RARB: variants seen among roughly 807,000 people sequenced by gnomAD.
RARB encodes the protein retinoic acid receptor beta.
In RARB, 17 loss-of-function variants were observed where a neutral mutation model predicts 51.9. The observed-to-expected ratio is 0.33, with a 90% CI of 0.22 to 0.49. RARB has a LOEUF of 0.49. Ranked by LOEUF, RARB falls within the 20% of genes least tolerant of loss-of-function variation. The probability of loss-of-function intolerance (pLI) is 0.99; values close to 1 mark genes in which losing one functional copy is unlikely to be tolerated. For synonymous variants in RARB, 215 were observed against 195.4 expected (o/e 1.10, Z -0.84); for missense variants, 369 against 550.8 (o/e 0.67, Z 3.30).
At chr3:25,593,409 C>A in intron 5 of RARB, 94 bp from the exon 6 acceptor site, 1 of 1,217,346 alleles carries the variant, frequency 8.2e-7, no homozygotes, top group Non-Finnish European at 1.2e-6. Context: ...CCAAGAGCTC[C>A]TTGGAAATCT....
intron 5 of RARB, among the ~76,000 whole-genome samples, chr3:25,271,354 G>A (rs1339130827): frequency 6.6e-6 from 1 of 152,100 alleles, no homozygotes; most frequent in African/African-American, 2.4e-5. Context: ...TGCCATATAG[G>A]ATAAGCATAC....
At chr3:25,306,391 G>T (rs570194668) in intron 5 of RARB, among the ~76,000 whole-genome samples, 2 of 151,988 alleles carry the variant, frequency 1.3e-5, no homozygotes, top group Non-Finnish European at 1.5e-5. Context: ...TTTCAAAAGG[G>T]CCTTGAATGA....
chr3:25,210,148 A>G (rs571690986), intron 5 of RARB, among the ~76,000 whole-genome samples: 11 of 152,306 alleles, frequency 7.2e-5, no homozygotes, highest in African/African-American at 2.6e-4. Context: ...TAATAGAAGT[A>G]GATACTAGCT....
intron 3 of RARB, among the ~76,000 whole-genome samples, chr3:25,096,376 TG>T (rs1355945097): frequency 3.3e-5 from 5 of 152,094 alleles, no homozygotes; most frequent in Admixed American, 6.6e-5. Context: ...CAGATACCAT[TG>T]GAGAAATTGT....
intron 5 of RARB, among the ~76,000 whole-genome samples, chr3:25,333,196 CA>C (rs1704957584): frequency 6.6e-6 from 1 of 151,818 alleles, no homozygotes; most frequent in South Asian, 2.1e-4. Flanking sequence ...CATATGGAAC[CA>C]AAAAAGAGCC....
intron 3 of RARB, among the ~76,000 whole-genome samples, chr3:25,537,746 C>T (rs2125651113): frequency 6.6e-6 from 1 of 152,318 alleles, no homozygotes; most frequent in African/African-American, 2.4e-5. Flanking sequence ...TCCCTCAGTT[C>T]ATAAAGCTGA....
chr3:25,336,592 G>C (rs1359852934), intron 5 of RARB, among the ~76,000 whole-genome samples: 1 of 152,094 alleles, frequency 6.6e-6, no homozygotes, highest in Admixed American at 6.6e-5. Context: ...TTCAGCTTTG[G>C]AGCGGGATAA....
intron 2 of RARB, among the ~76,000 whole-genome samples, chr3:25,031,220 G>A (rs537663762): frequency 6.6e-6 from 1 of 152,106 alleles, no homozygotes; most frequent in African/African-American, 2.4e-5. Context: ...TGGGACAAAA[G>A]TGCTTCCCCT....
At chr3:25,155,883 A>C (rs561743759) in intron 4 of RARB, among the ~76,000 whole-genome samples, 2 of 152,166 alleles carry the variant, frequency 1.3e-5, no homozygotes, top group Non-Finnish European at 2.9e-5. Flanking sequence ...GCCTTTTTAC[A>C]TGATAGCTTC....
intron 5 of RARB, among the ~76,000 whole-genome samples, chr3:25,276,483 A>G (rs1703385629): frequency 6.6e-6 from 1 of 152,234 alleles, no homozygotes; most frequent in African/African-American, 2.4e-5. Context: ...AACATAGGAA[A>G]CCAAAATGAA....
intron 4 of RARB, among the ~76,000 whole-genome samples, chr3:25,573,744 C>A (rs1442060693): frequency 6.6e-6 from 1 of 152,220 alleles, no homozygotes; most frequent in Non-Finnish European, 1.5e-5. Context: ...TTCCTGTCAT[C>A]TTCACCAGAG....
intron 4 of RARB, among the ~76,000 whole-genome samples, chr3:25,144,478 G>A (rs1700156647): frequency 6.6e-6 from 1 of 152,114 alleles, no homozygotes; most frequent in Non-Finnish European, 1.5e-5. Context: ...AGAGACCCGT[G>A]TTCTCTAGTT....
At chr3:24,991,700 T>C (rs1696915720) in intron 2 of RARB, among the ~76,000 whole-genome samples, 1 of 151,906 alleles carries the variant, frequency 6.6e-6, no homozygotes, top group Non-Finnish European at 1.5e-5. Context: ...TAAAAATGCA[T>C]ATAAGTAGCA....
At chr3:25,243,705 G>A (rs1702486073) in intron 5 of RARB, among the ~76,000 whole-genome samples, 2 of 152,240 alleles carry the variant, frequency 1.3e-5, no homozygotes, top group South Asian at 4.1e-4. Flanking sequence ...TCTAGAATCG[G>A]TTTGCCAGTA....
chr3:25,007,605 C>CAACAAAAAA (rs1559431424), intron 2 of RARB, among the ~76,000 whole-genome samples: 1,098 of 60,644 alleles, frequency 0.018, 94 homozygotes, highest in African/African-American at 0.061. Context: ...AAAAAAAAAA[C>CAACAAAAAA]AAAAAAACCT....
chr3:25,121,996 G>C (rs1348708649), intron 3 of RARB, among the ~76,000 whole-genome samples: 1 of 152,092 alleles, frequency 6.6e-6, no homozygotes, highest in East Asian at 1.9e-4. Context: ...ACCTCATTCT[G>C]ATTCAATGTG....
intron 2 of RARB, among the ~76,000 whole-genome samples, chr3:24,912,258 C>T (rs1297032480): frequency 6.6e-6 from 1 of 152,186 alleles, no homozygotes; most frequent in East Asian, 1.9e-4. Flanking sequence ...AATCCTACTT[C>T]TTCCATGTTT....
At chr3:25,119,676 C>CA (rs1004935598) in intron 3 of RARB, among the ~76,000 whole-genome samples, 10 of 150,534 alleles carry the variant, frequency 6.6e-5, no homozygotes, top group African/African-American at 1.2e-4. Context: ...AAAACAACAA[C>CA]AAAAAAAACA....
At chr3:25,344,858 A>T (rs1463374162) in intron 5 of RARB, among the ~76,000 whole-genome samples, 1 of 152,204 alleles carries the variant, frequency 6.6e-6, no homozygotes, top group African/African-American at 2.4e-5. Context: ...CCTTTTATAC[A>T]CATGTGGGAG....
Sources: allele counts gnomAD v4.1 joint callset (sites outside exome capture counted in the v4.1 genomes callset), GRCh38; gene constraint gnomAD v4.1.1; transcripts MANE v1.5; gene names NCBI Gene and HGNC (gene_info 2026-07-23, HGNC 2026-07-21).